EPHB2: variants seen among roughly 807,000 people sequenced by gnomAD.
EPHB2 encodes EPH receptor B2, also known as ephrin type-B receptor 2.
Under a neutral mutation model 96.4 loss-of-function variants are expected in EPHB2, and 18 were observed. The ratio of observed to expected loss-of-function variants is 0.19; its 90% CI spans 0.13 to 0.28. The LOEUF is 0.28. EPHB2 is among the 10% of genes least tolerant of loss of function. The pLI, the probability that EPHB2 is intolerant of heterozygous loss-of-function variation, is 1.00. For missense variants in EPHB2, 989 were observed against 1,355.4 expected (o/e 0.73, Z 4.25); for synonymous variants, 506 against 534.1 (o/e 0.95, Z 0.72).
intron 1 of EPHB2, among the ~76,000 whole-genome samples, chr1:22,736,434 C>T (rs998396195): frequency 2.6e-5 from 4 of 152,158 alleles, no homozygotes; most frequent in African/African-American, 7.2e-5. Flanking sequence ...TTCCATGGGG[C>T]CCCCCTTCCC....
intron 3 of EPHB2, among the ~76,000 whole-genome samples, chr1:22,853,153 A>G (rs1645648523): frequency 6.6e-6 from 1 of 152,224 alleles, no homozygotes; most frequent in African/African-American, 2.4e-5. Context: ...GATCGAAACC[A>G]TCCTGGCTAA....
chr1:22,792,815 A>G (rs571107041), intron 3 of EPHB2, among the ~76,000 whole-genome samples: 98 of 152,290 alleles, frequency 6.4e-4, no homozygotes, highest in African/African-American at 2.2e-3. Context: ...AGATACATCT[A>G]CAGACAGTGA....
chr1:22,737,437 T>C (rs4263970), intron 1 of EPHB2, among the ~76,000 whole-genome samples: 83,954 of 152,036 alleles, frequency 0.55, 23,870 homozygotes, highest in East Asian at 0.94. Context: ...TTCTCATCCA[T>C]AAACTATAGG....
chr1:22,725,707 C>T (rs1380565042), intron 1 of EPHB2, among the ~76,000 whole-genome samples: 1 of 152,184 alleles, frequency 6.6e-6, no homozygotes, highest in African/African-American at 2.4e-5. Context: ...ATCCTATTTT[C>T]CCATTGACTT....
At chr1:22,773,687 C>T (rs537911288) in intron 1 of EPHB2, among the ~76,000 whole-genome samples, 55 of 152,220 alleles carry the variant, frequency 3.6e-4, no homozygotes, top group Non-Finnish European at 5.9e-4. Flanking sequence ...TTCCATAGCT[C>T]CCTGCTGCTT....
At chr1:22,893,072 G>A (rs770284216) in intron 7 of EPHB2, 26 bp downstream of exon 7, 5 of 1,614,034 alleles carry the variant, frequency 3.1e-6, no homozygotes, top group Non-Finnish European at 3.4e-6. Flanking sequence ...CGGGCAAGAG[G>A]AGGGCACAGA....
chr1:22,773,076 A>G lies in EPHB2; in HGVS notation c.62-8345A>G, dbSNP rs549841067. 7.2e-5 allele frequency among the ~76,000 whole-genome samples: 11 copies of G among 152,186 alleles called. No individual in the cohort carries two copies. The South Asian group carries it at 8.3e-4, about 11-fold the overall frequency. On this transcript the variant is annotated intron_variant, in intron 1 of 15. Transcript: ENST00000374630. The stretch of plus-strand genomic sequence containing the variant: ...TAGGTGGCCTCCACCACCTTTCCCT[A>G]TGGTTCTGTATGGTCCAGCCTTTGC...
At chr1:22,736,324 T>G (rs1643826498) in intron 1 of EPHB2, among the ~76,000 whole-genome samples, 1 of 152,146 alleles carries the variant, frequency 6.6e-6, no homozygotes, top group South Asian at 2.1e-4. Context: ...CCCTCTTGCC[T>G]GGTTGGTGTG....
rs371734479 is a variant in EPHB2, at chr1:22,906,102, C to T, written c.1881C>T (p.Ile627=). ...CCTGTGTCAAAATTGAGCAGGTGAT[C>T]GGAGCAGGTAGGTGGCTGGTACTCT... ...DISCVKIEQV[I]GAGEFGEVCS... The change falls in exon 10 of 16, where the codon ATC becomes ATT. Residue 627 remains isoleucine (I), a synonymous_variant. Coordinates refer to ENST00000374630, the MANE Select transcript of EPHB2 (RefSeq NM_017449.5). The surrounding 1 kb of genome is among the most constrained non-coding windows in gnomAD (Gnocchi z 4.8). 197 of 1,614,016 alleles carry T rather than the reference C, an allele frequency of 1.2e-4. No individual in the cohort carries two copies. The highest frequency in any genetic ancestry group is 1.6e-4 in the Non-Finnish European group (191 of 1,180,030).
chr1:22,889,642 C>T (rs995566103), intron 6 of EPHB2, among the ~76,000 whole-genome samples: 4 of 152,086 alleles, frequency 2.6e-5, no homozygotes, highest in African/African-American at 7.2e-5. Flanking sequence ...CCCACAACCC[C>T]TGGCTGGGAC....
chr1:22,778,284 T>A (rs1644480835), intron 1 of EPHB2, among the ~76,000 whole-genome samples: 1 of 152,078 alleles, frequency 6.6e-6, no homozygotes, highest in African/African-American at 2.4e-5. Flanking sequence ...CCTCAAAAGG[T>A]CCATTTGTAA....
At chr1:22,729,974 G>A (rs2148350205) in intron 1 of EPHB2, among the ~76,000 whole-genome samples, 1 of 152,286 alleles carries the variant, frequency 6.6e-6, no homozygotes, top group Non-Finnish European at 1.5e-5. Flanking sequence ...TGTTCTTTTG[G>A]GTGACAGTTG....
At chr1:22,778,274 C>G (rs1055636108) in intron 1 of EPHB2, among the ~76,000 whole-genome samples, 2 of 151,932 alleles carry the variant, frequency 1.3e-5, no homozygotes, top group African/African-American at 2.4e-5. Context: ...GATCTCCCCC[C>G]CTCAAAAGGT....
chr1:22,900,528 C>T (rs1282272942), intron 9 of EPHB2, among the ~76,000 whole-genome samples: 1 of 152,136 alleles, frequency 6.6e-6, no homozygotes, highest in African/African-American at 2.4e-5. Flanking sequence ...GGGGTATGAA[C>T]TCCAGCTGTC....
chr1:22,724,573 C>T (rs963014943), intron 1 of EPHB2, among the ~76,000 whole-genome samples: 1 of 152,188 alleles, frequency 6.6e-6, no homozygotes, highest in Non-Finnish European at 1.5e-5. Context: ...TTAAATAACT[C>T]GTTGCAAAAT....
chr1:22,801,282 G>A (rs2148447509), intron 3 of EPHB2, among the ~76,000 whole-genome samples: 2 of 152,270 alleles, frequency 1.3e-5, no homozygotes, highest in South Asian at 4.2e-4. Context: ...GCTTGTGTCT[G>A]TCCTCGCCAG....
intron 1 of EPHB2, among the ~76,000 whole-genome samples, chr1:22,734,243 C>G (rs1276502290): frequency 6.6e-6 from 1 of 152,152 alleles, no homozygotes; most frequent in Non-Finnish European, 1.5e-5. Context: ...ATCTTACCCC[C>G]CGGCACAGCC....
chr1:22,787,692 A>G (rs114992672), intron 3 of EPHB2, among the ~76,000 whole-genome samples: 1,856 of 152,244 alleles, frequency 0.012, 21 homozygotes, highest in Non-Finnish European at 0.018. Flanking sequence ...GTAGTGGGCT[A>G]TGATTATGCC....
chr1:22,882,309 C>G, intron 5 of EPHB2, 50 bp from the exon 6 acceptor site: 1 of 1,608,742 alleles, frequency 6.2e-7, no homozygotes, highest in Non-Finnish European at 8.5e-7. Flanking sequence ...GGGCCAGAAG[C>G]TGCACCTTCT....
Sources: allele counts gnomAD v4.1 joint callset (sites outside exome capture counted in the v4.1 genomes callset), GRCh38; gene constraint gnomAD v4.1.1; non-coding constraint Gnocchi (gnomAD v3.1); transcripts MANE v1.5; gene names NCBI Gene and HGNC (gene_info 2026-07-23, HGNC 2026-07-21).